Variants in GABRG1 observed in about 807,000 individuals in gnomAD.
GABRG1 encodes gamma-aminobutyric acid receptor subunit gamma-1.
Under a neutral mutation model 49.8 loss-of-function variants are expected in GABRG1, and 49 were observed. That is an observed-to-expected ratio of 0.98 (90% CI 0.78 to 1.25). The LOEUF is 1.25. Among genes scored for constraint, GABRG1 ranks in the 50% most tolerant of loss-of-function variants. The probability of loss-of-function intolerance (pLI) is 0.00; values close to 1 mark genes in which losing one functional copy is unlikely to be tolerated. For synonymous variants in GABRG1, 232 were observed against 185.1 expected (o/e 1.25, Z -2.06); for missense variants, 552 against 552.3 (o/e 1.00, Z 0.01).
chr4:46,098,980 T>C (rs115394459), intron 1 of GABRG1, among the ~76,000 whole-genome samples: 2,166 of 151,756 alleles, frequency 0.014, 59 homozygotes, highest in African/African-American at 0.05. Context: ...CCATAAAAAA[T>C]TTTTATGAGA....
intron 1 of GABRG1, among the ~76,000 whole-genome samples, chr4:46,100,556 A>G (rs10517150): frequency 0.08 from 12,186 of 151,414 alleles, 941 homozygotes; most frequent in African/African-American, 0.2. Flanking sequence ...AGACTTGTTG[A>G]GATATTGGCA....
chr4:46,079,993 C>G (rs908068133), intron 3 of GABRG1, among the ~76,000 whole-genome samples: 1 of 151,796 alleles, frequency 6.6e-6, no homozygotes, highest in Non-Finnish European at 1.5e-5. Flanking sequence ...TAAAATTGAA[C>G]AGCTTCTTTC....
Position 46,041,248 on chromosome 4 carries a change from G to A in GABRG1, c.1138C>T (p.Pro380Ser), listed in dbSNP as rs1717770579. Residue 380 changes from proline (P) to serine (S), a missense_variant, in exon 9 of 9, where the codon CCT becomes TCT. Physicochemically the swap from Pro to Ser is moderately conservative, Grantham distance 74. Transcript: ENST00000295452. ...RKLKNKASMT[P>S]GLHPGSTLIP... ...AGAGTGGATCCAGGATGGAGACCAG[G>A]AGTCATCTGAGCACAATAATAAATG... 1 of 1,611,906 alleles carries A rather than the reference G, an allele frequency of 6.2e-7. No homozygotes were observed. Among genetic ancestry groups the A allele is most frequent in the Non-Finnish European group, 8.5e-7 (1 of 1,178,824 alleles).
rs1375243245 is a variant in GABRG1 at position 46,038,399 on chromosome 4, G to A, written c.*2589C>T. Reference sequence around the variant, plus strand: ...TATATAAACAAACATTTTTACAAATGATCTTATTCCTTGTGCTCCAGGTAT... The same window carrying A: ...TATATAAACAAACATTTTTACAAATAATCTTATTCCTTGTGCTCCAGGTAT... On this transcript the variant is annotated 3_prime_UTR_variant, in exon 9 of 9. Coordinates refer to ENST00000295452, the MANE Select transcript of GABRG1 (RefSeq NM_173536.4). 2 of 151,552 alleles carry A rather than the reference G, an allele frequency of 1.3e-5. No homozygotes were observed. Among genetic ancestry groups the A allele is most frequent in the African/African-American group, 4.8e-5 (2 of 41,354 alleles). 9.4% of individuals were successfully genotyped at this position (151,552 alleles called of 1,614,324 possible).
Position 46,097,276 on chromosome 4 carries a change from G to C in GABRG1, c.178C>G (p.His60Asp), listed in dbSNP as rs1446658439. 6.2e-7 allele frequency: 1 copy of C among 1,611,186 alleles called. No homozygotes were observed. Among genetic ancestry groups the C allele is most frequent in the South Asian group, 1.1e-5 (1 of 90,966 alleles). The change falls in exon 2 of 9, where the codon CAT (histidine) becomes GAT (aspartate). Residue 60 changes from histidine (H) to aspartate (D), a missense_variant. Physicochemically the swap from His to Asp is moderately conservative, Grantham distance 81. Coordinates refer to ENST00000295452, the MANE Select transcript of GABRG1 (RefSeq NM_173536.4). ...AGAATTTGTGTGATATCTCCTTCAT[G>C]AATTTTTGGGGCCAAGACCCAGGTT... The part of the protein sequence containing the change: ...NKTWVLAPKI[H>D]EGDITQILNS...
chr4:46,043,461 G>A (rs1717864258), intron 8 of GABRG1, among the ~76,000 whole-genome samples: 2 of 151,824 alleles, frequency 1.3e-5, no homozygotes, highest in African/African-American at 4.8e-5. Context: ...TATAAATGCT[G>A]AGAAAAATAG....
chr4:46,089,613 T>C (rs1719908061), intron 2 of GABRG1, among the ~76,000 whole-genome samples: 3 of 152,070 alleles, frequency 2.0e-5, no homozygotes, highest in Non-Finnish European at 4.4e-5. Flanking sequence ...GTTGAACTAT[T>C]TAAATAACTG....
intron 2 of GABRG1, among the ~76,000 whole-genome samples, chr4:46,094,115 G>A (rs1414881517): frequency 6.6e-6 from 1 of 151,868 alleles, no homozygotes; most frequent in Non-Finnish European, 1.5e-5. Context: ...AAAGTCTAAA[G>A]CAGTACATGA....
intron 1 of GABRG1, among the ~76,000 whole-genome samples, chr4:46,108,363 A>G (rs1051448216): frequency 6.6e-6 from 1 of 151,154 alleles, no homozygotes. Flanking sequence ...TTGCACAGCC[A>G]CTTGAACTAG....
At chr4:46,110,711 A>G (rs1304113923) in intron 1 of GABRG1, among the ~76,000 whole-genome samples, 1 of 151,246 alleles carries the variant, frequency 6.6e-6, no homozygotes, top group Non-Finnish European at 1.5e-5. Flanking sequence ...ATGCAAATGA[A>G]TAAATGTGAT....
At chr4:46,078,039 A>G (rs185927398) in intron 3 of GABRG1, among the ~76,000 whole-genome samples, 160 of 151,806 alleles carry the variant, frequency 1.1e-3, no homozygotes, top group Admixed American at 1.6e-3. Context: ...ATTTTTTATT[A>G]TTTTAAAATA....
intron 1 of GABRG1, among the ~76,000 whole-genome samples, chr4:46,117,550 GTCTCTCTCTCTC>G (rs373546541): frequency 8.6e-6 from 1 of 116,680 alleles, no homozygotes; most frequent in Non-Finnish European, 1.9e-5. Flanking sequence ...TGTTATCTCT[GTCTCTCTCTCTC>G]TCTCTCTCTC....
intron 5 of GABRG1, among the ~76,000 whole-genome samples, 181 bp from the exon 6 acceptor site, chr4:46,058,803 G>A (rs1169836458): frequency 6.6e-6 from 1 of 151,902 alleles, no homozygotes; most frequent in African/African-American, 2.4e-5. Context: ...ATCATACATG[G>A]ATCAAATAAT....
In GABRG1 at chr4:46,040,252, TG is replaced by T. The variant is rs565391512; in HGVS notation, c.*735del. 1.4e-4 allele frequency: 21 copies of T among 152,112 alleles called. No homozygotes were observed. The East Asian group carries it at 3.9e-3, about 28-fold the overall frequency. The allele number at this position is 152,112 out of a possible 1,614,324, so 9.4% of individuals were successfully genotyped here. On this transcript the variant is annotated 3_prime_UTR_variant, in exon 9 of 9. Coordinates refer to ENST00000295452, the MANE Select transcript of GABRG1 (RefSeq NM_173536.4). ...AAATGCTATGAAGCAGAGAATAAAA[TG>T]GTTAGATTTTACCTGATTTTTTCAT...
At chr4:46,089,778 C>A (rs1311016372) in intron 2 of GABRG1, among the ~76,000 whole-genome samples, 2 of 151,924 alleles carry the variant, frequency 1.3e-5, no homozygotes, top group Admixed American at 6.6e-5. Flanking sequence ...GCCTGGGCAA[C>A]ATGGTGAAAC....
intron 1 of GABRG1, among the ~76,000 whole-genome samples, chr4:46,099,762 G>A (rs1316423595): frequency 6.6e-6 from 1 of 151,590 alleles, no homozygotes; most frequent in African/African-American, 2.4e-5. Flanking sequence ...AAGCTTTCTA[G>A]TAGTCAGAGG....
intron 3 of GABRG1, among the ~76,000 whole-genome samples, chr4:46,073,288 C>A (rs950048733): frequency 1.3e-5 from 2 of 151,856 alleles, no homozygotes; most frequent in African/African-American, 4.8e-5. Flanking sequence ...TTTTTTCCTG[C>A]TTTTCCCTCA....
At chr4:46,068,370 G>A (rs932871432) in intron 3 of GABRG1, among the ~76,000 whole-genome samples, 1 of 152,080 alleles carries the variant, frequency 6.6e-6, no homozygotes, top group Non-Finnish European at 1.5e-5. Context: ...CATTAAATGT[G>A]GCACTTGAGA....
chr4:46,086,794 C>T (rs1241966368), intron 2 of GABRG1, among the ~76,000 whole-genome samples: 1 of 151,742 alleles, frequency 6.6e-6, no homozygotes, highest in African/African-American at 2.4e-5. Flanking sequence ...CAACTGATTG[C>T]TTTTGGACTC....
Sources: gnomAD v4.1 joint callset for allele counts (sites outside exome capture counted in the v4.1 genomes callset) on GRCh38, gnomAD v4.1.1 for gene constraint, MANE v1.5 for transcripts, NCBI Gene and HGNC (gene_info 2026-07-23, HGNC 2026-07-21) for gene names.